Variants in TIAM1 observed in about 807,000 individuals in gnomAD.
TIAM1 encodes TIAM Rac1 associated GEF 1, also known as rho guanine nucleotide exchange factor TIAM1.
TIAM1 carries 65 observed loss-of-function variants against 163.5 expected under a neutral mutation model. That is an observed-to-expected ratio of 0.40 (90% CI 0.33 to 0.49). The LOEUF (loss-of-function observed/expected upper bound fraction) is 0.49. Among genes scored for constraint, TIAM1 ranks in the 20% least tolerant of loss-of-function variants. TIAM1 has a pLI of 0.77. For missense variants in TIAM1, 1,789 were observed against 2,044.7 expected, an observed-to-expected ratio of 0.87 and a Z score of 2.41; for synonymous variants, 833 against 810.1, an observed-to-expected ratio of 1.03 and a Z score of -0.48.
At chr21:31,409,878 A>T (rs1202329142) in intron 2 of TIAM1, among the ~76,000 whole-genome samples, 2 of 150,152 alleles carry the variant, frequency 1.3e-5, no homozygotes, top group African/African-American at 4.9e-5. Flanking sequence ...AGGGTTAAGG[A>T]GGCCTTTTTT....
intron 1 of TIAM1, among the ~76,000 whole-genome samples, chr21:31,514,407 TA>T (rs2047311864): frequency 6.6e-6 from 1 of 151,406 alleles, no homozygotes; most frequent in African/African-American, 2.4e-5. Context: ...GCTGGAAAGT[TA>T]AAAAAATCAT....
intron 2 of TIAM1, among the ~76,000 whole-genome samples, chr21:31,298,070 T>C (rs1360936673): frequency 1.3e-5 from 2 of 152,210 alleles, no homozygotes; most frequent in Non-Finnish European, 1.5e-5. Flanking sequence ...GCACATGACT[T>C]ACTCTTACAC....
chr21:31,356,281 T>C lies in TIAM1; in HGVS notation c.-368-16859A>G, dbSNP rs576386768. On this transcript the variant is annotated intron_variant, in intron 2 of 28. Coordinates refer to the TIAM1 transcript ENST00000286827. The stretch of plus-strand genomic sequence containing the variant: ...CACTAAGGATGTTCAAGACACTGCA[T>C]GCCAAATCTCTGAAATACACAGATT... 8.4e-4 allele frequency among the ~76,000 whole-genome samples: 128 copies of C among 152,316 alleles called. 1 individual carries two copies. In the Middle Eastern group the frequency reaches 0.017, roughly 20 times the overall value.
At chr21:31,518,239 T>C (rs576829480) in intron 1 of TIAM1, among the ~76,000 whole-genome samples, 4 of 152,256 alleles carry the variant, frequency 2.6e-5, no homozygotes, top group African/African-American at 9.6e-5. Flanking sequence ...TTGGGACTTC[T>C]GGTCTCAGAA....
At chr21:31,133,094 T>TA (rs2082481177) in intron 23 of TIAM1, among the ~76,000 whole-genome samples, 1 of 152,166 alleles carries the variant, frequency 6.6e-6, no homozygotes, top group African/African-American at 2.4e-5. Context: ...GTAACCATGA[T>TA]CCTTCCTTCA....
At chr21:31,167,502 T>C (rs2084291453) in intron 15 of TIAM1, among the ~76,000 whole-genome samples, 1 of 152,224 alleles carries the variant, frequency 6.6e-6, no homozygotes, top group Admixed American at 6.5e-5. Context: ...TAAACAAAGC[T>C]GAGCTCCGAA....
At chr21:31,320,007 C>T (rs556774302) in intron 2 of TIAM1, among the ~76,000 whole-genome samples, 4 of 152,122 alleles carry the variant, frequency 2.6e-5, no homozygotes, top group Non-Finnish European at 5.9e-5. Flanking sequence ...CTGTTTATAG[C>T]AGCATTATTC....
intron 2 of TIAM1, among the ~76,000 whole-genome samples, chr21:31,419,822 G>A (rs372198292): frequency 3.3e-5 from 5 of 152,148 alleles, no homozygotes; most frequent in Non-Finnish European, 5.9e-5. Context: ...AGGTCAAGGC[G>A]GGTGGATCAC....
At chr21:31,364,841 G>A (rs1032979834) in intron 2 of TIAM1, among the ~76,000 whole-genome samples, 15 of 152,134 alleles carry the variant, frequency 9.9e-5, no homozygotes, top group African/African-American at 3.6e-4. Flanking sequence ...TTGAGTAATG[G>A]CACAGTCCAG....
intron 13 of TIAM1, among the ~76,000 whole-genome samples, chr21:31,192,788 T>C (rs1307919154): frequency 2.6e-5 from 4 of 152,018 alleles, no homozygotes; most frequent in African/African-American, 9.7e-5. Context: ...GGCCAATGAA[T>C]TGGGAGTGGG....
chr21:31,501,855 G>A (rs993375621), intron 1 of TIAM1, among the ~76,000 whole-genome samples: 6 of 148,132 alleles, frequency 4.1e-5, no homozygotes, highest in East Asian at 2.0e-4. Flanking sequence ...TGTCCACCTC[G>A]GCCTCCCAAA....
At chr21:31,147,758 TAATA>T (rs1422171824) in intron 19 of TIAM1, among the ~76,000 whole-genome samples, 1 of 140,456 alleles carries the variant, frequency 7.1e-6, no homozygotes, top group African/African-American at 2.7e-5. Flanking sequence ...AATATATAAT[TAATA>T]TATTATATTA....
Position 31,200,346 on chromosome 21 carries a change from A to G in TIAM1, c.2493+2562T>C, listed in dbSNP as rs186173852. Among the ~76,000 whole-genome samples, 258 of 152,314 alleles carry G rather than the reference A, an allele frequency of 1.7e-3. 3 individuals are homozygous for G. The highest frequency in any genetic ancestry group is 5.9e-3 in the African/African-American group (247 of 41,568). On this transcript the variant is annotated intron_variant, in intron 12 of 27. Coordinates refer to ENST00000541036, the MANE Select transcript of TIAM1 (RefSeq NM_001353694.2). ...AACAAAACTTCATCACAGAAAAAAA[A>G]AAAAGTGATATCTTTATATTTACAA...
chr21:31,133,926 G>C (rs2284471), intron 23 of TIAM1, among the ~76,000 whole-genome samples: 7,121 of 152,082 alleles, frequency 0.047, 212 homozygotes, highest in East Asian at 0.11. Context: ...AAATTAGCTG[G>C]GCGTGGTGGT....
At position 31,299,531 on chromosome 21, in the gene TIAM1, T is replaced by C. The variant is rs575113387; in HGVS notation, c.-188-22623A>G. ...ATGGGAAAAGCCCTTACGGGTTAATTATTAATCTTGAAATCTGAAACAGAT... is the reference window on the plus strand; with the variant it reads ...ATGGGAAAAGCCCTTACGGGTTAATCATTAATCTTGAAATCTGAAACAGAT... On this transcript the variant is annotated intron_variant, in intron 2 of 27. Transcript: ENST00000541036. Among the ~76,000 whole-genome samples, 5 of 152,346 alleles carry C rather than the reference T, an allele frequency of 3.3e-5. No homozygotes were observed. The South Asian group carries it at 1.0e-3, about 32-fold the overall frequency.
chr21:31,194,081 C>T (rs1183841694), intron 13 of TIAM1, among the ~76,000 whole-genome samples: 3 of 152,098 alleles, frequency 2.0e-5, no homozygotes, highest in Admixed American at 6.5e-5. Flanking sequence ...GGCCGGAAGA[C>T]CCACTCGGGC....
At chr21:31,298,626 TA>T (rs1601872799) in intron 2 of TIAM1, among the ~76,000 whole-genome samples, 2 of 152,180 alleles carry the variant, frequency 1.3e-5, no homozygotes, top group East Asian at 3.9e-4. Flanking sequence ...ACCATAAAAG[TA>T]CCACACATAA....
chr21:31,260,563 T>A (rs114784727), intron 4 of TIAM1, among the ~76,000 whole-genome samples: 1,859 of 152,120 alleles, frequency 0.012, 34 homozygotes, highest in African/African-American at 0.043. Flanking sequence ...CTCAACTACC[T>A]ACCCACCTTC....
In TIAM1 at chr21:31,199,743, C is replaced by T. The variant is rs542835049; in HGVS notation, c.2493+3165G>A. Among the ~76,000 whole-genome samples, 19 of 151,464 alleles carry T rather than the reference C, an allele frequency of 1.3e-4. 1 individual carries two copies. In the South Asian group the frequency reaches 3.4e-3, roughly 27 times the overall value. ...ATGGAGTTTCAGCATGTTGGCCAAG[C>T]TGGTCTCGAACTCCTGACCTCAGGG... On this transcript the variant is annotated intron_variant, in intron 12 of 27. Coordinates refer to ENST00000541036, the MANE Select transcript of TIAM1 (RefSeq NM_001353694.2).
Sources: gnomAD v4.1 joint callset for allele counts (sites outside exome capture counted in the v4.1 genomes callset) on GRCh38, gnomAD v4.1.1 for gene constraint, MANE v1.5 for transcripts, NCBI Gene and HGNC (gene_info 2026-07-23, HGNC 2026-07-21) for gene names.